Variants in CADM2 observed in about 807,000 individuals in gnomAD.
CADM2 encodes the protein immunoglobulin superfamily member 4D.
A neutral mutation model predicts 49.8 loss-of-function variants in CADM2; 12 were observed. The ratio of observed to expected loss-of-function variants is 0.24; its 90% confidence interval spans 0.15 to 0.39. The LOEUF is 0.39. Among genes scored for constraint, CADM2 ranks in the 10% least tolerant of loss-of-function variants. The pLI, the probability that CADM2 is intolerant of heterozygous loss-of-function variation, is 1.00. For missense variants in CADM2, 378 were observed against 492.3 expected, an observed-to-expected ratio of 0.77 and a Z score of 2.20; for synonymous variants, 214 against 175.4, an observed-to-expected ratio of 1.22 and a Z score of -1.74.
chr3:85,386,123 A>G (rs571819647), intron 1 of CADM2, among the ~76,000 whole-genome samples: 1 of 152,124 alleles, frequency 6.6e-6, no homozygotes, highest in Non-Finnish European at 1.5e-5. Context: ...CATCGTACTC[A>G]CTAGGCTGCA....
chr3:86,027,798 T>A (rs905926276), intron 8 of CADM2: 1 of 152,102 alleles, frequency 6.6e-6, no homozygotes, highest in Non-Finnish European at 1.5e-5. Flanking sequence ...ATATGAGTAG[T>A]TAAATCCAAA....
chr3:85,998,632 C>A (rs564387335), intron 8 of CADM2, among the ~76,000 whole-genome samples: 4 of 151,966 alleles, frequency 2.6e-5, no homozygotes, highest in African/African-American at 9.7e-5. Flanking sequence ...TATAGTAGGT[C>A]ACACTCAAAA....
chr3:85,792,791 A>G (rs1386636513), intron 2 of CADM2, among the ~76,000 whole-genome samples: 4 of 152,226 alleles, frequency 2.6e-5, no homozygotes, highest in African/African-American at 7.2e-5. Flanking sequence ...GTGTTAAAAC[A>G]TGCATCATCC....
intron 2 of CADM2, among the ~76,000 whole-genome samples, chr3:85,740,001 G>A (rs1037624771): frequency 6.6e-6 from 1 of 152,102 alleles, no homozygotes; most frequent in African/African-American, 2.4e-5. Context: ...AGCTTAATCA[G>A]TTTTACCTTA....
intron 8 of CADM2, among the ~76,000 whole-genome samples, chr3:85,987,561 T>G (rs1034842962): frequency 2.4e-4 from 35 of 148,360 alleles, no homozygotes; most frequent in Non-Finnish European, 4.2e-4. Context: ...AAAAATTCAT[T>G]TTTATATAAT....
chr3:85,829,746 A>G (rs1480201848), intron 3 of CADM2, among the ~76,000 whole-genome samples: 2 of 151,996 alleles, frequency 1.3e-5, no homozygotes, highest in East Asian at 1.9e-4. Context: ...GAAATTTCAC[A>G]TATAAGTGAG....
At chr3:85,529,947 G>A (rs759638376) in intron 1 of CADM2, among the ~76,000 whole-genome samples, 6 of 151,924 alleles carry the variant, frequency 3.9e-5, no homozygotes, top group Non-Finnish European at 7.4e-5. Context: ...ACTTATCTAT[G>A]TAATAATTTT....
intron 1 of CADM2, among the ~76,000 whole-genome samples, chr3:85,552,328 A>C (rs1323428436): frequency 6.6e-6 from 1 of 151,806 alleles, no homozygotes; most frequent in Non-Finnish European, 1.5e-5. Context: ...TAAATAGCAG[A>C]ATCCATAAAA....
At chr3:85,861,116 A>C (rs548070190) in intron 3 of CADM2, among the ~76,000 whole-genome samples, 2 of 152,280 alleles carry the variant, frequency 1.3e-5, no homozygotes, top group South Asian at 4.1e-4. Context: ...AGCATAAGCT[A>C]GTTTTTGGCA....
chr3:85,333,725 G>A (rs190354217), intron 1 of CADM2, among the ~76,000 whole-genome samples: 11 of 151,824 alleles, frequency 7.2e-5, no homozygotes, highest in Non-Finnish European at 1.5e-4. Flanking sequence ...AAATTCAAGC[G>A]GATGATTGGG....
intron 1 of CADM2, among the ~76,000 whole-genome samples, chr3:85,558,907 A>G (rs7631617): frequency 0.21 from 31,407 of 151,980 alleles, 3,867 homozygotes; most frequent in East Asian, 0.3. Context: ...TGTATAAACC[A>G]TTGCCAAAAA....
At chr3:85,019,059 G>T (rs2034384530) in intron 1 of CADM2, among the ~76,000 whole-genome samples, 2 of 152,180 alleles carry the variant, frequency 1.3e-5, no homozygotes. Context: ...TCCCATGGAT[G>T]AACTTAGATA....
intron 8 of CADM2, among the ~76,000 whole-genome samples, chr3:85,996,290 C>A: frequency 1.1e-5 from 1 of 89,310 alleles, no homozygotes; most frequent in Non-Finnish European, 2.1e-5. Context: ...TTTTCATTTA[C>A]TTTTTTTTTT....
At chr3:85,985,477 CAT>C (rs1559783615) in intron 8 of CADM2, among the ~76,000 whole-genome samples, 1 of 151,862 alleles carries the variant, frequency 6.6e-6, no homozygotes, top group Non-Finnish European at 1.5e-5. Context: ...ACTGTTGTGA[CAT>C]ATGTTTAAAA....
At chr3:85,780,088 A>C (rs1442692950) in intron 2 of CADM2, among the ~76,000 whole-genome samples, 1 of 152,184 alleles carries the variant, frequency 6.6e-6, no homozygotes, top group African/African-American at 2.4e-5. Flanking sequence ...ACAATTATTT[A>C]AGTGAAATCT....
intron 1 of CADM2, among the ~76,000 whole-genome samples, chr3:85,706,687 A>T (rs889063884): frequency 6.6e-6 from 1 of 152,208 alleles, no homozygotes; most frequent in Non-Finnish European, 1.5e-5. Flanking sequence ...ATTTCTCAAT[A>T]ACTGAATAAG....
At chr3:85,444,802 T>A (rs1262068752) in intron 1 of CADM2, among the ~76,000 whole-genome samples, 3 of 152,156 alleles carry the variant, frequency 2.0e-5, no homozygotes, top group Non-Finnish European at 2.9e-5. Flanking sequence ...ATAAAACAAT[T>A]CCTTGAACAC....
chr3:85,864,992 C>T (rs1278252696), intron 3 of CADM2, among the ~76,000 whole-genome samples: 1 of 152,154 alleles, frequency 6.6e-6, no homozygotes, highest in African/African-American at 2.4e-5. Context: ...TCCCTGGGCT[C>T]CCAGCCCAGA....
At chr3:85,031,566 G>T (rs1271970648) in intron 1 of CADM2, among the ~76,000 whole-genome samples, 1 of 152,126 alleles carries the variant, frequency 6.6e-6, no homozygotes, top group Non-Finnish European at 1.5e-5. Flanking sequence ...CCGGGCTGGA[G>T]TGCAGTGGCG....
Sources: allele counts gnomAD v4.1 joint callset (sites outside exome capture counted in the v4.1 genomes callset), GRCh38; gene constraint gnomAD v4.1.1; transcripts MANE v1.5; gene names NCBI Gene and HGNC (gene_info 2026-07-23, HGNC 2026-07-21).